GALNT13: variants seen among roughly 807,000 people sequenced by gnomAD.
GALNT13 encodes the protein UDP-GalNAc:polypeptide N-acetylgalactosaminyltransferase 13.
In GALNT13, 28 loss-of-function variants were observed where a neutral mutation model predicts 64.2. That is an observed-to-expected ratio of 0.44 (90% CI 0.32 to 0.60). The LOEUF (loss-of-function observed/expected upper bound fraction) is 0.60, where lower values mean the gene tolerates loss of function less well. GALNT13 is among the 20% of genes least tolerant of loss of function. The probability of loss-of-function intolerance (pLI) is 0.05; values close to 1 mark genes in which losing one functional copy is unlikely to be tolerated. For missense variants in GALNT13, 577 were observed against 669.8 expected (o/e 0.86, Z 1.53); for synonymous variants, 214 against 224.6 (o/e 0.95, Z 0.42).
the GALNT13 span, among the ~76,000 whole-genome samples, chr2:153,092,361 T>A: frequency 6.6e-6 from 1 of 152,204 alleles, no homozygotes; most frequent in African/African-American, 2.4e-5. Flanking sequence ...GGATCTTTTT[T>A]TCTATTTCTG....
chr2:153,559,378 A>C, the GALNT13 span, among the ~76,000 whole-genome samples: 2 of 152,060 alleles, frequency 1.3e-5, no homozygotes, highest in Non-Finnish European at 2.9e-5. Flanking sequence ...TAGTTGAAGA[A>C]ATTGAATCTT....
chr2:154,067,683 C>T (rs776933553), intron 3 of GALNT13, among the ~76,000 whole-genome samples: 1 of 152,030 alleles, frequency 6.6e-6, no homozygotes, highest in Non-Finnish European at 1.5e-5. Context: ...TGGACTTAAT[C>T]TGCATTATGT....
chr2:153,489,680 C>T, the GALNT13 span, among the ~76,000 whole-genome samples: 2 of 152,060 alleles, frequency 1.3e-5, no homozygotes, highest in African/African-American at 4.8e-5. Context: ...CAAGGCAACC[C>T]ACCATTTTGG....
upstream of GALNT13, among the ~76,000 whole-genome samples, chr2:153,870,585 A>G (rs1229441738): frequency 6.6e-6 from 1 of 151,966 alleles, no homozygotes; most frequent in African/African-American, 2.4e-5. Flanking sequence ...ATGCTCCATA[A>G]TTGACGGTAG....
the GALNT13 span, among the ~76,000 whole-genome samples, chr2:153,569,079 C>T: frequency 1.3e-5 from 2 of 152,186 alleles, no homozygotes; most frequent in South Asian, 2.1e-4. Flanking sequence ...CATTTTAGTA[C>T]ATGTCTTTTA....
chr2:153,498,687 C>T, the GALNT13 span, among the ~76,000 whole-genome samples: 1 of 152,230 alleles, frequency 6.6e-6, no homozygotes, highest in Middle Eastern at 3.2e-3. Flanking sequence ...AAGAGGTTGT[C>T]ACAGCCCTGG....
chr2:154,020,278 G>T (rs1346481703), intron 3 of GALNT13, among the ~76,000 whole-genome samples: 4 of 152,140 alleles, frequency 2.6e-5, no homozygotes, highest in African/African-American at 9.7e-5. Context: ...TCGCCACACC[G>T]ACTTCCACAA....
chr2:153,725,222 C>A, the GALNT13 span, among the ~76,000 whole-genome samples: 1 of 146,020 alleles, frequency 6.8e-6, no homozygotes. Context: ...AACCAAACAC[C>A]GCATATTCTC....
At chr2:154,399,097 A>G (rs953144830) in intron 10 of GALNT13, among the ~76,000 whole-genome samples, 3 of 152,158 alleles carry the variant, frequency 2.0e-5, no homozygotes, top group African/African-American at 2.4e-5. Flanking sequence ...TTATATTTTA[A>G]TCATTCAAAA....
the GALNT13 span, among the ~76,000 whole-genome samples, chr2:153,833,661 G>A: frequency 6.6e-6 from 1 of 152,172 alleles, no homozygotes; most frequent in African/African-American, 2.4e-5. Context: ...AATGTTCTTA[G>A]GCATGCACTA....
intron 1 of GALNT13, among the ~76,000 whole-genome samples, chr2:153,879,114 A>G (rs1686593167): frequency 6.6e-6 from 1 of 152,200 alleles, no homozygotes; most frequent in Admixed American, 6.5e-5. Context: ...TGCTTGTAGT[A>G]TATCACTTAA....
intron 3 of GALNT13, among the ~76,000 whole-genome samples, chr2:153,955,432 AG>A (rs1196322626): frequency 1.3e-5 from 2 of 152,220 alleles, no homozygotes; most frequent in African/African-American, 4.8e-5. Context: ...GTGAAGTACC[AG>A]GAGAAGCATC....
the GALNT13 span, among the ~76,000 whole-genome samples, chr2:153,487,380 A>G: frequency 0.063 from 9,581 of 152,236 alleles, 993 homozygotes; most frequent in African/African-American, 0.22. Context: ...GCCTACCAAC[A>G]TCACTCTGCT....
intron 4 of GALNT13, among the ~76,000 whole-genome samples, chr2:154,210,857 A>T (rs1429377243): frequency 6.6e-6 from 1 of 152,176 alleles, no homozygotes; most frequent in South Asian, 2.1e-4. Flanking sequence ...GAATCAAGAT[A>T]TATTTAGGGA....
chr2:153,904,609 T>C (rs1455020586), intron 2 of GALNT13, among the ~76,000 whole-genome samples: 1 of 151,958 alleles, frequency 6.6e-6, no homozygotes, highest in Non-Finnish European at 1.5e-5. Context: ...TCTATAAATT[T>C]CCTGTTCATA....
chr2:153,977,494 A>T (rs1333712948), intron 3 of GALNT13, among the ~76,000 whole-genome samples: 1 of 152,144 alleles, frequency 6.6e-6, no homozygotes, highest in South Asian at 2.1e-4. Flanking sequence ...GATCCCGTGA[A>T]ATCACTAACT....
intron 4 of GALNT13, among the ~76,000 whole-genome samples, chr2:154,204,305 A>T (rs2105785486): frequency 6.6e-6 from 1 of 152,306 alleles, no homozygotes; most frequent in Admixed American, 6.5e-5. Context: ...GATTTAATCC[A>T]AGTTTTTCCC....
At position 153,940,079 on chromosome 2, in the gene GALNT13, G is replaced by GTT. The variant is rs151081948; in HGVS notation, c.-104-4309_-104-4308dup. ...GCAAATGAGGGCATTTTTTGTTGTT[G>GTT]TTTTTTTCAGTTTTGTTTATTGCTT... On this transcript the variant is annotated intron_variant, in intron 2 of 12. Coordinates refer to ENST00000392825, the MANE Select transcript of GALNT13 (RefSeq NM_052917.4). Among the ~76,000 whole-genome samples the GTT allele has an allele frequency of 2.0e-5, 3 of 151,666 alleles. No individual in the cohort carries two copies. In the South Asian group the frequency reaches 6.3e-4, roughly 32 times the overall value.
At chr2:154,297,158 A>G (rs1268583237) in intron 8 of GALNT13, among the ~76,000 whole-genome samples, 1 of 139,954 alleles carries the variant, frequency 7.1e-6, no homozygotes, top group East Asian at 1.9e-4. Flanking sequence ...ATGAGAAACC[A>G]TTCAAGGATT....
Sources: gnomAD v4.1 joint callset for allele counts (sites outside exome capture counted in the v4.1 genomes callset) on GRCh38, gnomAD v4.1.1 for gene constraint, MANE v1.5 for transcripts, NCBI Gene and HGNC (gene_info 2026-07-23, HGNC 2026-07-21) for gene names.